NKIRAS1: variants seen among roughly 807,000 people sequenced by gnomAD.
NKIRAS1 encodes the protein NFKB inhibitor interacting Ras like 1.
In NKIRAS1, 16 loss-of-function variants were observed where a neutral mutation model predicts 19.8. The observed-to-expected ratio is 0.81, with a 90% CI of 0.55 to 1.23. The LOEUF is 1.23. Among genes scored for constraint, NKIRAS1 ranks in the 50% most tolerant of loss-of-function variants. NKIRAS1 has a pLI of 0.00. For synonymous variants in NKIRAS1, 88 were observed against 79.0 expected, an observed-to-expected ratio of 1.11 and a Z score of -0.61; for missense variants, 184 against 220.0, an observed-to-expected ratio of 0.84 and a Z score of 1.04.
chr3:23,919,436 A>G (rs1262377224), upstream of NKIRAS1: 7 of 1,604,778 alleles, frequency 4.4e-6, no homozygotes, highest in Non-Finnish European at 5.1e-6. Flanking sequence ...CCACCACACT[A>G]TTGGTGGCTC....
intron 4 of NKIRAS1, among the ~76,000 whole-genome samples, chr3:23,896,863 T>C (rs1006191207): frequency 1.3e-5 from 2 of 150,698 alleles, no homozygotes; most frequent in Non-Finnish European, 3.0e-5. Context: ...CCAAGATATG[T>C]TACATGAAAA....
intron 4 of NKIRAS1, among the ~76,000 whole-genome samples, chr3:23,896,659 A>G (rs917767198): frequency 2.0e-5 from 3 of 150,942 alleles, no homozygotes; most frequent in African/African-American, 7.3e-5. Context: ...AATATTATAC[A>G]TTAGTTACCA....
At chr3:23,941,364 T>C (rs1392569630) in intron 1 of NKIRAS1, among the ~76,000 whole-genome samples, 1 of 152,212 alleles carries the variant, frequency 6.6e-6, no homozygotes. Context: ...GATGGACCTA[T>C]CTTGTGTTGT....
chr3:23,919,011 T>C (rs1171152225), upstream of NKIRAS1: 5 of 605,072 alleles, frequency 8.3e-6, no homozygotes, highest in African/African-American at 9.3e-5. Context: ...CTATGTGTGT[T>C]GTTTTAGCAA....
intron 1 of NKIRAS1, among the ~76,000 whole-genome samples, chr3:23,913,040 C>CAA (rs1169515621): frequency 0.038 from 1,782 of 46,314 alleles, 128 homozygotes; most frequent in African/African-American, 0.1. Flanking sequence ...GACTCCGTCT[C>CAA]AAAAAAAAAA....
intron 4 of NKIRAS1, among the ~76,000 whole-genome samples, chr3:23,898,136 A>T (rs1211794212): frequency 1.3e-5 from 2 of 152,060 alleles, no homozygotes; most frequent in African/African-American, 2.4e-5. Flanking sequence ...AAATAATTAC[A>T]GCATTTGCCT....
chr3:23,906,466 C>T (rs1191031585), intron 3 of NKIRAS1, among the ~76,000 whole-genome samples: 1 of 152,154 alleles, frequency 6.6e-6, no homozygotes, highest in East Asian at 1.9e-4. Context: ...TTAAACAACA[C>T]AGATTTGAAC....
chr3:23,897,306 G>T (rs914707277), intron 4 of NKIRAS1, among the ~76,000 whole-genome samples: 1 of 151,822 alleles, frequency 6.6e-6, no homozygotes, highest in African/African-American at 2.4e-5. Context: ...CTAATAAAGG[G>T]GTAAAATATT....
upstream of NKIRAS1, chr3:23,920,278 T>C: frequency 1.0e-6 from 1 of 985,804 alleles, no homozygotes; most frequent in Non-Finnish European, 1.2e-6. Context: ...GGGAAAGTAG[T>C]TGGCTATAAG....
rs567225782 is a variant in NKIRAS1 at position 23,911,034 on chromosome 3, T to C, written c.-17-113A>G. ...CACATGCACAGGGGAAATTTTCAAA[T>C]ACAGAAAAGGAGATATAGAATAAGG... On this transcript the variant is annotated intron_variant, in intron 2 of 4. Transcript: ENST00000425478. The C allele has an allele frequency of 1.0e-5, 8 of 769,306 alleles. No individual in the cohort carries two copies. In the East Asian group the frequency reaches 1.9e-4, roughly 18 times the overall value. 47.7% of individuals were successfully genotyped at this position (769,306 alleles called of 1,614,324 possible). A position where few individuals can be genotyped will look rare whatever the true frequency, so the allele number is the denominator to read the frequency against.
At chr3:23,893,375 T>G in intron 4 of NKIRAS1, 38 bp from the exon 5 acceptor site, 1 of 1,569,746 alleles carries the variant, frequency 6.4e-7, no homozygotes, top group Non-Finnish European at 8.6e-7. Context: ...TACTAGTACT[T>G]TGCCAACATC....
intron 3 of NKIRAS1, among the ~76,000 whole-genome samples, chr3:23,908,068 T>C (rs1240859480): frequency 6.6e-6 from 1 of 152,196 alleles, no homozygotes; most frequent in East Asian, 1.9e-4. Flanking sequence ...AAATCAGAAT[T>C]GTATCCATCA....
At chr3:23,919,177 G>A, upstream of NKIRAS1, 1 of 1,577,126 alleles carries the variant, frequency 6.3e-7, no homozygotes, top group Admixed American at 1.7e-5. Context: ...TTGACCTTGG[G>A]CCTTTTTTCC....
intron 3 of NKIRAS1, among the ~76,000 whole-genome samples, chr3:23,906,102 T>C (rs1703019919): frequency 7.2e-6 from 1 of 138,622 alleles, no homozygotes; most frequent in Admixed American, 8.4e-5. Flanking sequence ...GAGGTTGCAG[T>C]GAGCCGAGAT....
rs2125336797 is a variant in NKIRAS1, at chr3:23,890,724, T to C, written c.*2371A>G. ...GAGTAGGGTATTTCTATAACAGATA[T>C]TATTCAGTCTTATTTCCTAAGATTT... On this transcript the variant is annotated 3_prime_UTR_variant, in exon 5 of 5. Coordinates refer to ENST00000425478, the MANE Select transcript of NKIRAS1 (RefSeq NM_020345.4). The C allele has an allele frequency of 3.7e-6, 3 of 820,378 alleles. No individual in the cohort carries two copies. The highest frequency in any genetic ancestry group is 5.3e-6 in the Non-Finnish European group (3 of 562,356). 50.8% of individuals were successfully genotyped at this position (820,378 alleles called of 1,614,324 possible).
upstream of NKIRAS1, chr3:23,918,420 T>A (rs1704823817): frequency 2.5e-6 from 4 of 1,608,568 alleles, no homozygotes; most frequent in Non-Finnish European, 3.4e-6. Context: ...ATCACTAATT[T>A]CGTGTGTGTT....
At chr3:23,906,157 T>G (rs1419605296) in intron 3 of NKIRAS1, among the ~76,000 whole-genome samples, 1 of 20,606 alleles carries the variant, frequency 4.9e-5, no homozygotes, top group Non-Finnish European at 8.9e-5. Context: ...AGACTCCGTC[T>G]CAAAAAAAAA....
intron 4 of NKIRAS1, among the ~76,000 whole-genome samples, chr3:23,898,829 C>T (rs539224765): frequency 6.6e-6 from 1 of 152,286 alleles, no homozygotes; most frequent in South Asian, 2.1e-4. Flanking sequence ...CCGGGCCACA[C>T]AACAGGAGGT....
At position 23,892,976 on chromosome 3, in the gene NKIRAS1, T is replaced by G; in HGVS notation, c.*119A>C. On this transcript the variant is annotated 3_prime_UTR_variant, in exon 5 of 5. Transcript: ENST00000425478. ...GTGCATTAATTGACTTCCTTAGGAA[T>G]TTTCCTAAGGACCAAAGGTAGATAC... The G allele has an allele frequency of 9.3e-7, 1 of 1,071,312 alleles. No homozygotes were observed. Among genetic ancestry groups the G allele is most frequent in the Non-Finnish European group, 1.3e-6 (1 of 783,590 alleles). The allele number at this position is 1,071,312 out of a possible 1,614,324, so 66.4% of individuals were successfully genotyped here.
Sources: allele counts gnomAD v4.1 joint callset (sites outside exome capture counted in the v4.1 genomes callset), GRCh38; gene constraint gnomAD v4.1.1; transcripts MANE v1.5; gene names NCBI Gene and HGNC (gene_info 2026-07-23, HGNC 2026-07-21).